MYH9: variants seen among roughly 807,000 people sequenced by gnomAD.
MYH9 encodes the protein myosin-9.
Under a neutral mutation model 241.9 loss-of-function variants are expected in MYH9, and 29 were observed. That is an observed-to-expected ratio of 0.12 (90% CI 0.09 to 0.16). MYH9 has a LOEUF of 0.16. MYH9 is among the 10% of genes least tolerant of loss of function. MYH9 has a pLI of 1.00. For missense variants in MYH9, 1,803 were observed against 2,595.5 expected (o/e 0.69, Z 6.63); for synonymous variants, 1,047 against 1,062.6 (o/e 0.99, Z 0.29).
chr22:36,373,869 T>A (rs1003971965), intron 1 of MYH9, among the ~76,000 whole-genome samples: 4 of 150,796 alleles, frequency 2.7e-5, no homozygotes, highest in Non-Finnish European at 5.9e-5. Flanking sequence ...CAATGAAACA[T>A]AGGAACTTTG....
chr22:36,348,859 G>T (rs778273710), intron 2 of MYH9, 45 bp downstream of exon 2: 1 of 1,104,410 alleles, frequency 9.1e-7, no homozygotes, highest in African/African-American at 1.7e-5. Flanking sequence ...CCCCCACCTC[G>T]GAGCCCTCAG....
chr22:36,371,826 C>T (rs1460049392), intron 1 of MYH9, among the ~76,000 whole-genome samples: 1 of 152,038 alleles, frequency 6.6e-6, no homozygotes, highest in African/African-American at 2.4e-5. Flanking sequence ...TAAGCCACCA[C>T]ACCCAGCTGC....
intron 5 of MYH9, among the ~76,000 whole-genome samples, chr22:36,324,457 G>A (rs2017304694): frequency 6.6e-6 from 1 of 152,244 alleles, no homozygotes; most frequent in Non-Finnish European, 1.5e-5. Context: ...AGAGTCAAAG[G>A]TCACCGTTCA....
At chr22:36,373,639 C>CA (rs2018121337) in intron 1 of MYH9, among the ~76,000 whole-genome samples, 1 of 152,196 alleles carries the variant, frequency 6.6e-6, no homozygotes, top group Admixed American at 6.5e-5. Context: ...CCTAGGTCTA[C>CA]GCTGCGAGCC....
rs781756258 is a variant in MYH9, at chr22:36,300,233, C to T, written c.2870G>A (p.Ser957Asn). ...ELEEQLEEEE[S>N]ARQKLQLEKV... is the part of the protein sequence containing the mutation. The stretch of plus-strand genomic sequence containing the variant: ...CTCCAGCTGCAGCTTCTGCCGGGCG[C>T]TCTCCTCCTCCTCCAGCTGCTCCTC... Residue 957 changes from serine (S) to asparagine (N), a missense_variant, in exon 23 of 41, where the codon AGC (serine) becomes AAC (asparagine). Around this residue, in one of 11 missense-constraint regions of MYH9, gnomAD observed 290 missense variants for 360.5 expected, o/e 0.80. Coordinates refer to ENST00000216181, the MANE Select transcript of MYH9 (RefSeq NM_002473.6). This position sits in a 1 kb window ranked among gnomAD's most constrained non-coding sequence, Gnocchi z 5.0. 4 of 1,613,494 alleles carry T rather than the reference C, an allele frequency of 2.5e-6. No homozygotes were observed. Among genetic ancestry groups the T allele is most frequent in the Non-Finnish European group, 2.5e-6 (3 of 1,180,026 alleles).
At chr22:36,283,268 G>A (rs1424046461) in intron 40 of MYH9, among the ~76,000 whole-genome samples, 1 of 152,094 alleles carries the variant, frequency 6.6e-6, no homozygotes, top group African/African-American at 2.4e-5. Flanking sequence ...CTGGCACGGT[G>A]GCTCATCCTT....
intron 1 of MYH9, among the ~76,000 whole-genome samples, chr22:36,362,460 C>A (rs560189550): frequency 1.3e-5 from 2 of 152,256 alleles, no homozygotes; most frequent in African/African-American, 4.8e-5. Context: ...ACTAAGATAC[C>A]AACTTCAGGA....
chr22:36,383,686 G>A lies in MYH9; in HGVS notation c.-20+4121C>T, dbSNP rs527877954. Among the ~76,000 whole-genome samples, 29 of 151,816 alleles carry A rather than the reference G, an allele frequency of 1.9e-4. 3 individuals carry two copies. In the South Asian group the frequency reaches 5.4e-3, roughly 28 times the overall value. ...AAAAAGGGGGGGGGGTGCCAGGTGC[G>A]GTGGCTCACGCCTGTAATCCTAACA... On this transcript the variant is annotated intron_variant, in intron 1 of 40. Coordinates refer to ENST00000216181, the MANE Select transcript of MYH9 (RefSeq NM_002473.6).
intron 1 of MYH9, among the ~76,000 whole-genome samples, chr22:36,367,027 G>A (rs1013644190): frequency 2.0e-5 from 3 of 152,176 alleles, no homozygotes; most frequent in Non-Finnish European, 2.9e-5. Flanking sequence ...GGTGGTGAAC[G>A]CCTTGCATAC....
chr22:36,356,950 G>C (rs1045981101), intron 1 of MYH9, among the ~76,000 whole-genome samples: 3 of 152,248 alleles, frequency 2.0e-5, no homozygotes, highest in Non-Finnish European at 4.4e-5. Context: ...TGTGGCCTTC[G>C]GCCGGTGCCA....
intron 11 of MYH9, among the ~76,000 whole-genome samples, chr22:36,317,494 C>T (rs981666902): frequency 6.6e-6 from 1 of 152,184 alleles, no homozygotes; most frequent in Non-Finnish European, 1.5e-5. Flanking sequence ...CTTTTGAAAA[C>T]AACAGTCTTG....
intron 31 of MYH9, 134 bp downstream of exon 31, chr22:36,291,852 C>T: frequency 7.5e-7 from 1 of 1,335,200 alleles, no homozygotes; most frequent in South Asian, 1.3e-5. Flanking sequence ...TGAGGGTCCT[C>T]TAAGCACTGG....
chr22:36,365,573 G>T (rs1242814245), intron 1 of MYH9, among the ~76,000 whole-genome samples: 1 of 151,846 alleles, frequency 6.6e-6, no homozygotes, highest in Non-Finnish European at 1.5e-5. Context: ...CAATTCTCCT[G>T]CCTCAGCCTC....
rs568924664 is a variant in MYH9 at position 36,369,096 on chromosome 22, G to C, written c.-20+18711C>G. On this transcript the variant is annotated intron_variant, in intron 1 of 40. Transcript: ENST00000216181. ...AACCAGAAAGCGCCCTCAGCCTAGC[G>C]TCCCCACTTTGAGGACATCAAGCCT... Among the ~76,000 whole-genome samples the C allele has an allele frequency of 5.9e-5, 9 of 152,230 alleles. No homozygotes were observed. The South Asian group carries it at 1.9e-3, about 32-fold the overall frequency.
At chr22:36,299,087 A>G in intron 23 of MYH9, 45 bp from the exon 24 acceptor site, 1 of 1,612,836 alleles carries the variant, frequency 6.2e-7, no homozygotes, top group Non-Finnish European at 8.5e-7. Context: ...GGTTGAGCAC[A>G]GAACACTTGC....
intron 13 of MYH9, among the ~76,000 whole-genome samples, chr22:36,312,656 G>A (rs569662941): frequency 6.6e-6 from 1 of 152,290 alleles, no homozygotes; most frequent in Admixed American, 6.5e-5. Flanking sequence ...GGAGCCCCTT[G>A]AGGAAGATAG....
chr22:36,344,292 C>A (rs1249386920), intron 2 of MYH9, among the ~76,000 whole-genome samples: 1 of 151,724 alleles, frequency 6.6e-6, no homozygotes, highest in Non-Finnish European at 1.5e-5. Context: ...CCATCCGCCC[C>A]CATCCCAGGG....
rs570076082 is a variant in MYH9, at chr22:36,384,164, G to A, written c.-20+3643C>T. Among the ~76,000 whole-genome samples the A allele has an allele frequency of 3.9e-3, 591 of 151,872 alleles. 5 individuals are homozygous for A. Among genetic ancestry groups the A allele is most frequent in the Non-Finnish European group, 5.8e-3 (392 of 67,942 alleles). Reference sequence around the variant, plus strand: ...CAGGCACCTGTAATCCCAGCTACTCGGGAGACTGAGGCAGAAGAATCGCTT... The same window carrying A: ...CAGGCACCTGTAATCCCAGCTACTCAGGAGACTGAGGCAGAAGAATCGCTT... On this transcript the variant is annotated intron_variant, in intron 1 of 40. Coordinates refer to ENST00000216181, the MANE Select transcript of MYH9 (RefSeq NM_002473.6).
chr22:36,319,854 G>A (rs559682963), intron 9 of MYH9: 20 of 642,814 alleles, frequency 3.1e-5, no homozygotes, highest in East Asian at 3.0e-4. Context: ...TGGCCTGTCC[G>A]CACTGCCATT....
Sources: allele counts gnomAD v4.1 joint callset (sites outside exome capture counted in the v4.1 genomes callset), GRCh38; gene constraint gnomAD v4.1.1; regional missense constraint gnomAD v4.1.1; non-coding constraint Gnocchi (gnomAD v3.1); transcripts MANE v1.5; gene names NCBI Gene and HGNC (gene_info 2026-07-23, HGNC 2026-07-21).